PTPRR: variants seen among roughly 807,000 people sequenced by gnomAD.
The protein encoded by PTPRR is protein tyrosine phosphatase receptor type R, also known as receptor-type tyrosine-protein phosphatase R.
PTPRR carries 38 observed loss-of-function variants against 77.2 expected under a neutral mutation model. That is an observed-to-expected ratio of 0.49 (90% CI 0.38 to 0.65). The LOEUF is 0.65. PTPRR is among the 30% of genes least tolerant of loss of function. The pLI is 0.00. For missense variants in PTPRR, 744 were observed against 799.2 expected (o/e 0.93, Z 0.83); for synonymous variants, 299 against 283.1 (o/e 1.06, Z -0.57).
chr12:70,759,606 G>A (rs779868138), intron 4 of PTPRR, among the ~76,000 whole-genome samples: 7 of 149,318 alleles, frequency 4.7e-5, no homozygotes, highest in Non-Finnish European at 8.9e-5. Flanking sequence ...GCATGAACTC[G>A]GGAGGCAGAG....
At chr12:70,661,968 A>G (rs1886814335) in intron 11 of PTPRR, among the ~76,000 whole-genome samples, 2 of 152,208 alleles carry the variant, frequency 1.3e-5, no homozygotes, top group Non-Finnish European at 2.9e-5. Context: ...TCTGCTGCCC[A>G]TGAGTTAAAT....
chr12:70,686,130 CAG>C (rs1327780473), intron 8 of PTPRR, among the ~76,000 whole-genome samples: 2 of 152,080 alleles, frequency 1.3e-5, no homozygotes, highest in Non-Finnish European at 2.9e-5. Context: ...GGTGTAAAAA[CAG>C]GGGTGCAGCA....
chr12:70,783,313 CT>C (rs1891243714), intron 2 of PTPRR, among the ~76,000 whole-genome samples: 1 of 152,076 alleles, frequency 6.6e-6, no homozygotes, highest in South Asian at 2.1e-4. Flanking sequence ...CTCTCTGCTA[CT>C]GGTTGTGCAG....
chr12:70,812,715 A>G (rs993930586), intron 2 of PTPRR, among the ~76,000 whole-genome samples: 1 of 152,220 alleles, frequency 6.6e-6, no homozygotes, highest in Non-Finnish European at 1.5e-5. Context: ...TGTCAAAAGG[A>G]TATCATCTTA....
At chr12:70,726,085 T>A (rs771596611) in intron 6 of PTPRR, among the ~76,000 whole-genome samples, 1 of 149,318 alleles carries the variant, frequency 6.7e-6, no homozygotes, top group Non-Finnish European at 1.5e-5. Context: ...TAAAACCCAG[T>A]AAAGAATGAT....
chr12:70,839,399 T>A (rs1232837804), intron 2 of PTPRR, among the ~76,000 whole-genome samples: 3 of 121,052 alleles, frequency 2.5e-5, no homozygotes, highest in Non-Finnish European at 5.0e-5. Context: ...TCAGATGACT[T>A]ATATTACTTA....
intron 2 of PTPRR, among the ~76,000 whole-genome samples, chr12:70,792,588 A>T (rs746354209): frequency 2.8e-4 from 42 of 152,216 alleles, no homozygotes; most frequent in Non-Finnish European, 3.7e-4. Context: ...TAATTATTTT[A>T]AAGATAGTTT....
chr12:70,646,777 A>T (rs1296943532), intron 13 of PTPRR, among the ~76,000 whole-genome samples: 1 of 152,188 alleles, frequency 6.6e-6, no homozygotes, highest in Non-Finnish European at 1.5e-5. Flanking sequence ...GGGAATGCAG[A>T]GAAATATGGA....
intron 2 of PTPRR, among the ~76,000 whole-genome samples, chr12:70,784,461 G>T (rs1386455533): frequency 6.6e-6 from 1 of 152,160 alleles, no homozygotes; most frequent in Non-Finnish European, 1.5e-5. Context: ...AGCTCCCCCT[G>T]TGGCCCGGGA....
chr12:70,844,095 C>T (rs1017146414), intron 2 of PTPRR, among the ~76,000 whole-genome samples: 2 of 151,844 alleles, frequency 1.3e-5, no homozygotes. Flanking sequence ...GGATTACAGG[C>T]GTGAGTCACC....
chr12:70,675,459 C>T (rs1299838139), intron 10 of PTPRR, among the ~76,000 whole-genome samples: 1 of 152,002 alleles, frequency 6.6e-6, no homozygotes, highest in East Asian at 1.9e-4. Context: ...CTTTTAGTGG[C>T]TAATCTTAAA....
At chr12:70,812,399 T>G (rs1283364873) in intron 2 of PTPRR, among the ~76,000 whole-genome samples, 1 of 152,172 alleles carries the variant, frequency 6.6e-6, no homozygotes, top group Non-Finnish European at 1.5e-5. Flanking sequence ...ACATTAACAC[T>G]GATTTACTAT....
intron 2 of PTPRR, among the ~76,000 whole-genome samples, chr12:70,811,255 CA>C (rs1261718653): frequency 1.1e-4 from 16 of 152,102 alleles, no homozygotes; most frequent in African/African-American, 3.9e-4. Flanking sequence ...CAGGTGCCTA[CA>C]AAATATGACA....
intron 2 of PTPRR, among the ~76,000 whole-genome samples, chr12:70,887,387 G>A (rs1013053072): frequency 7.9e-5 from 12 of 152,090 alleles, no homozygotes; most frequent in Non-Finnish European, 1.8e-4. Context: ...AGGAGGCGAA[G>A]GTTGCAGTCA....
chr12:70,702,696 T>A (rs555779154), intron 6 of PTPRR, among the ~76,000 whole-genome samples: 4 of 152,336 alleles, frequency 2.6e-5, no homozygotes, highest in African/African-American at 9.6e-5. Flanking sequence ...TAATGTCATT[T>A]TTGTTAATTT....
chr12:70,706,261 G>A (rs1366253734), intron 6 of PTPRR, among the ~76,000 whole-genome samples: 2 of 151,944 alleles, frequency 1.3e-5, no homozygotes, highest in Non-Finnish European at 2.9e-5. Context: ...CCTCTTTCTG[G>A]ATCACTTGAA....
intron 2 of PTPRR, among the ~76,000 whole-genome samples, chr12:70,849,251 A>G (rs527770223): frequency 1.3e-5 from 2 of 152,324 alleles, no homozygotes; most frequent in African/African-American, 4.8e-5. Context: ...AGCAAAAAAA[A>G]AAATTTTCCA....
rs148191620 is a variant in PTPRR at position 70,709,489 on chromosome 12, A to C, written c.1008-8166T>G. Among the ~76,000 whole-genome samples the C allele has an allele frequency of 8.7e-3, 1,323 of 152,304 alleles. 19 individuals carry two copies. Among genetic ancestry groups the C allele is most frequent in the African/African-American group, 0.029 (1,218 of 41,552 alleles). ...AGAAATCAGGCAAGAGGAAGAAATA[A>C]AGAGCATTCAAATAGGAAAAGAGGA... is the stretch of plus-strand genomic sequence containing the variant. On this transcript the variant is annotated intron_variant, in intron 6 of 13. Transcript: ENST00000283228.
At chr12:70,817,769 A>G (rs1273351998) in intron 2 of PTPRR, among the ~76,000 whole-genome samples, 1 of 152,236 alleles carries the variant, frequency 6.6e-6, no homozygotes, top group East Asian at 1.9e-4. Flanking sequence ...TAAGAGATAC[A>G]TTTGATACAG....
Sources: allele counts gnomAD v4.1 joint callset (sites outside exome capture counted in the v4.1 genomes callset), GRCh38; gene constraint gnomAD v4.1.1; transcripts MANE v1.5; gene names NCBI Gene and HGNC (gene_info 2026-07-23, HGNC 2026-07-21).